Variants in PKP1 observed in about 807,000 individuals in gnomAD.
PKP1 encodes plakophilin 1.
PKP1 carries 27 observed loss-of-function variants against 76.4 expected under a neutral mutation model. That is an observed-to-expected ratio of 0.35 (90% CI 0.26 to 0.49). PKP1 has a LOEUF of 0.49. Ranked by LOEUF, PKP1 falls within the 20% of genes least tolerant of loss-of-function variation. The pLI is 0.99. For missense variants in PKP1, 964 were observed against 955.2 expected, an observed-to-expected ratio of 1.01 and a Z score of -0.12; for synonymous variants, 404 against 384.2, an observed-to-expected ratio of 1.05 and a Z score of -0.60.
At chr1:201,315,046 A>G (rs1054559215) in intron 3 of PKP1, among the ~76,000 whole-genome samples, 11 of 152,260 alleles carry the variant, frequency 7.2e-5, no homozygotes, top group Non-Finnish European at 1.6e-4. Flanking sequence ...GAACCCCGTT[A>G]TAGAGCTAGA....
intron 13 of PKP1, 63 bp downstream of exon 13, chr1:201,328,931 A>T (rs1657230499): frequency 9.9e-7 from 1 of 1,010,466 alleles, no homozygotes; most frequent in Middle Eastern, 2.0e-4. Context: ...AGCCAGTCTC[A>T]GAGACAAGGG....
At position 201,324,512 on chromosome 1, in the gene PKP1, G is replaced by C; in HGVS notation, c.1765G>C (p.Asp589His). 1 of 1,614,158 alleles carries C rather than the reference G, an allele frequency of 6.2e-7. No homozygotes were observed. The highest frequency in any genetic ancestry group is 1.1e-5 in the South Asian group (1 of 91,078). ...CCGCCTCCTGCAATCTGGCAACTCTGATGTGGTGCGGTCCGGAGCCTCCCT... is the reference window on the plus strand; with the variant it reads ...CCGCCTCCTGCAATCTGGCAACTCTCATGTGGTGCGGTCCGGAGCCTCCCT... ...IARLLQSGNS[D>H]VVRSGASLLS... Residue 589 changes from aspartate to histidine, a missense_variant, in exon 10 of 14, where the codon GAT (aspartate) becomes CAT (histidine). Coordinates refer to ENST00000367324, the MANE Select transcript of PKP1 (RefSeq NM_001005337.3).
chr1:201,298,078 G>A, intron 2 of PKP1, among the ~76,000 whole-genome samples: 1 of 152,188 alleles, frequency 6.6e-6, no homozygotes, highest in East Asian at 1.9e-4. Context: ...TCATTCCTGT[G>A]ATAAAAACAA....
At chr1:201,287,641 C>T (rs1309309315) in intron 1 of PKP1, among the ~76,000 whole-genome samples, 2 of 152,220 alleles carry the variant, frequency 1.3e-5, no homozygotes, top group Non-Finnish European at 2.9e-5. Flanking sequence ...GCCAGAATTT[C>T]CGTTGGCCTG....
chr1:201,320,725 G>A (rs539955313), intron 7 of PKP1, among the ~76,000 whole-genome samples: 1 of 152,288 alleles, frequency 6.6e-6, no homozygotes, highest in Non-Finnish European at 1.5e-5. Flanking sequence ...CACGAAGAGG[G>A]CCTGGCACAG....
Position 201,332,499 on chromosome 1 carries a change from G to A in PKP1, c.*2458G>A, listed in dbSNP as rs1207431475. 1 of 152,300 alleles carries A rather than the reference G, an allele frequency of 6.6e-6. No individual in the cohort carries two copies. 9.4% of individuals were successfully genotyped at this position (152,300 alleles called of 1,614,324 possible). A position where few individuals can be genotyped will look rare whatever the true frequency, so the allele number is the denominator to read the frequency against. Reference sequence around the variant, plus strand: ...CAAGGAGCTTGCCAGGCTTCATGTAGCCGACACACGTCTCAGGATTTTAAG... The same window carrying A: ...CAAGGAGCTTGCCAGGCTTCATGTAACCGACACACGTCTCAGGATTTTAAG... On this transcript the variant is annotated 3_prime_UTR_variant, in exon 14 of 14. Coordinates refer to ENST00000367324, the MANE Select transcript of PKP1 (RefSeq NM_001005337.3).
intron 1 of PKP1, among the ~76,000 whole-genome samples, chr1:201,286,601 A>T (rs369002557): frequency 6.6e-6 from 1 of 152,158 alleles, no homozygotes; most frequent in South Asian, 2.1e-4. Context: ...TCAGACAAGC[A>T]CCTTGCCCTG....
At chr1:201,299,148 C>T (rs978158912) in intron 2 of PKP1, among the ~76,000 whole-genome samples, 3 of 152,242 alleles carry the variant, frequency 2.0e-5, no homozygotes, top group Admixed American at 2.0e-4. Context: ...CCGCAGTCAA[C>T]AGAGGCCATG....
At chr1:201,293,852 T>C (rs999288884) in intron 1 of PKP1, 90 bp from the exon 2 acceptor site, 1 of 835,508 alleles carries the variant, frequency 1.2e-6, no homozygotes, top group African/African-American at 1.7e-5. Flanking sequence ...ATGGGCATAG[T>C]GGACCTGGAT....
intron 7 of PKP1, 46 bp downstream of exon 7, chr1:201,320,427 C>A: frequency 7.8e-7 from 1 of 1,278,918 alleles, no homozygotes; most frequent in South Asian, 1.2e-5. Context: ...GCCCAGCCCC[C>A]TACATTTTCT....
At chr1:201,285,940 C>T in intron 1 of PKP1, among the ~76,000 whole-genome samples, 1 of 152,220 alleles carries the variant, frequency 6.6e-6, no homozygotes, top group East Asian at 1.9e-4. Context: ...GGGCGTGTCC[C>T]CTCTACCCTC....
intron 11 of PKP1, 73 bp from the exon 12 acceptor site, chr1:201,325,681 T>G (rs1571564805): frequency 8.9e-7 from 1 of 1,129,084 alleles, no homozygotes; most frequent in Non-Finnish European, 1.3e-6. Context: ...GCAGTGGGGG[T>G]GGGAGGGAAG....
At chr1:201,310,879 A>G (rs1031481447) in intron 2 of PKP1, among the ~76,000 whole-genome samples, 2 of 152,182 alleles carry the variant, frequency 1.3e-5, no homozygotes, top group African/African-American at 4.8e-5. Context: ...GGTGCAGCCA[A>G]TGCCCATTCC....
chr1:201,313,028 G>A, intron 2 of PKP1, 138 bp from the exon 3 acceptor site: 1 of 877,618 alleles, frequency 1.1e-6, no homozygotes, highest in East Asian at 2.6e-5. Flanking sequence ...TGATGGCTCA[G>A]GTTCCTTCCA....
At chr1:201,314,970 G>C (rs940251465) in intron 3 of PKP1, among the ~76,000 whole-genome samples, 2 of 152,210 alleles carry the variant, frequency 1.3e-5, no homozygotes, top group Admixed American at 6.5e-5. Flanking sequence ...TTTGTCCAAG[G>C]CCACACAGCT....
At chr1:201,284,761 C>G (rs1011796989) in intron 1 of PKP1, among the ~76,000 whole-genome samples, 1 of 152,142 alleles carries the variant, frequency 6.6e-6, no homozygotes, top group African/African-American at 2.4e-5. Context: ...GGGGAGAGTA[C>G]GGAATGGCAG....
At chr1:201,320,141 T>C in intron 6 of PKP1, 126 bp from the exon 7 acceptor site, 1 of 729,726 alleles carries the variant, frequency 1.4e-6, no homozygotes, top group East Asian at 2.7e-5. Flanking sequence ...CGTCGTCTCC[T>C]CTCTGCCCTC....
intron 2 of PKP1, among the ~76,000 whole-genome samples, chr1:201,303,397 G>C (rs1017182837): frequency 3.3e-5 from 5 of 152,222 alleles, no homozygotes; most frequent in African/African-American, 1.2e-4. Flanking sequence ...CAAGTAGCTG[G>C]AACTACAGGC....
chr1:201,283,537 C>G lies in PKP1; in HGVS notation c.-166C>G, dbSNP rs925348365. 1.9e-4 allele frequency: 134 copies of G among 688,338 alleles called. No individual in the cohort carries two copies. Among genetic ancestry groups the G allele is most frequent in the Non-Finnish European group, 5.2e-5 (20 of 386,908 alleles). 42.6% of individuals were successfully genotyped at this position (688,338 alleles called of 1,614,324 possible). ...AGAGAGGGACGAACCAGGGTGGAAGCGCCAGGAGCAGCTGCAGGGAGCCCT... is the reference window on the plus strand; with the variant it reads ...AGAGAGGGACGAACCAGGGTGGAAGGGCCAGGAGCAGCTGCAGGGAGCCCT... On this transcript the variant is annotated 5_prime_UTR_variant, in exon 1 of 14. Transcript: ENST00000367324.
Sources: allele counts gnomAD v4.1 joint callset (sites outside exome capture counted in the v4.1 genomes callset), GRCh38; gene constraint gnomAD v4.1.1; transcripts MANE v1.5; gene names NCBI Gene and HGNC (gene_info 2026-07-23, HGNC 2026-07-21).